The following F9 variants were observed in gnomAD, a reference collection of about 807,000 sequenced individuals.
F9 encodes the protein coagulation factor IX.
A neutral mutation model predicts 34.1 loss-of-function variants in F9; 2 were observed. The ratio of observed to expected loss-of-function variants is 0.06; its 90% CI spans 0.02 to 0.18. F9 has a LOEUF of 0.18. Among genes scored for constraint, F9 ranks in the 10% least tolerant of loss-of-function variants. The pLI is 1.00. For synonymous variants in F9, 137 were observed against 118.8 expected (o/e 1.15, Z -1.00); for missense variants, 216 against 345.1 (o/e 0.63, Z 2.96).
rs959493151 is a variant in F9 at position 139,562,158 on chromosome X, G to T, written c.*87G>T. The T allele has an allele frequency of 6.2e-6, 5 of 812,505 alleles. No individual in the cohort carries two copies. The Admixed American group carries it at 1.2e-4, about 20-fold the overall frequency. The allele number at this position is 812,505 out of a possible 1,213,427, so 67.0% of individuals were successfully genotyped here. A position where few individuals can be genotyped will look rare whatever the true frequency, so the allele number is the denominator to read the frequency against. On this transcript the variant is annotated 3_prime_UTR_variant, in exon 8 of 8. Coordinates refer to ENST00000218099, the MANE Select transcript of F9 (RefSeq NM_000133.4). ...CTAATCACTTTCCCATCTTTTGTTAGATTTGAATATATACATTCTATGATC... is the reference window on the plus strand; with the variant it reads ...CTAATCACTTTCCCATCTTTTGTTATATTTGAATATATACATTCTATGATC...
Position 139,541,188 on chromosome X carries a change from A to G in F9, c.390A>G (p.Leu130=). Residue 130 remains leucine (L), a splice_region_variant and synonymous_variant, in exon 4 of 8, where the codon TTA becomes TTG. Coordinates refer to ENST00000218099, the MANE Select transcript of F9 (RefSeq NM_000133.4). ...PFGFEGKNCE[L]DVTCNIKNGR... ...GATTTGAAGGAAAGAACTGTGAATT[A>G]GGTAAGTAACTATTTTTTGAATACT... 1 of 1,146,829 alleles carries G rather than the reference A, an allele frequency of 8.7e-7. No individual in the cohort carries two copies. The highest frequency in any genetic ancestry group is 1.2e-6 in the Non-Finnish European group (1 of 841,497). 94.5% of individuals were successfully genotyped at this position (1,146,829 alleles called of 1,213,427 possible).
intron 1 of F9, 152 bp from the exon 2 acceptor site, chrX:139,536,858 G>A (rs761503851): frequency 2.0e-6 from 1 of 497,255 alleles, no homozygotes; most frequent in African/African-American, 2.4e-5. Context: ...ATACAGTACT[G>A]TGGGAACATC....
rs1928162339 is a variant in F9, at chrX:139,563,078, C to G, written c.*1007C>G. The G allele has an allele frequency of 9.3e-6, 1 of 107,689 alleles. No individual in the cohort carries two copies. Among genetic ancestry groups the G allele is most frequent in the Non-Finnish European group, 1.9e-5 (1 of 52,298 alleles). The allele number at this position is 107,689 out of a possible 1,213,427, so 8.9% of individuals were successfully genotyped here. ...TTGACCCAGACATATTGTACTCTTTCTAAAAATAATAATAATAATGCTAAC... is the reference window on the plus strand; with the variant it reads ...TTGACCCAGACATATTGTACTCTTTGTAAAAATAATAATAATAATGCTAAC... On this transcript the variant is annotated 3_prime_UTR_variant, in exon 8 of 8. Coordinates refer to ENST00000218099, the MANE Select transcript of F9 (RefSeq NM_000133.4).
At chrX:139,534,176 T>C (rs1185934168) in intron 1 of F9, among the ~76,000 whole-genome samples, 1 of 111,487 alleles carries the variant, frequency 9.0e-6, no homozygotes, top group Non-Finnish European at 1.9e-5. Flanking sequence ...CTAAAGAGAA[T>C]TGAGAAATTT....
intron 6 of F9, among the ~76,000 whole-genome samples, chrX:139,552,945 A>G (rs180938278): frequency 4.4e-4 from 49 of 112,362 alleles, no homozygotes; most frequent in African/African-American, 1.6e-3. Context: ...CTGTGTATCT[A>G]TCCAGGATTC....
At chrX:139,533,091 A>C (rs1319036223) in intron 1 of F9, among the ~76,000 whole-genome samples, 3 of 111,709 alleles carry the variant, frequency 2.7e-5, no homozygotes, top group Non-Finnish European at 5.6e-5. Flanking sequence ...TGCGGGAGAC[A>C]TAAAGGCTAG....
intron 5 of F9, among the ~76,000 whole-genome samples, chrX:139,548,908 T>A (rs951770601): frequency 2.7e-5 from 3 of 112,032 alleles, no homozygotes; most frequent in Non-Finnish European, 5.6e-5. Flanking sequence ...GCTAGTTTAC[T>A]CTGAGAAAGT....
intron 6 of F9, among the ~76,000 whole-genome samples, chrX:139,558,915 C>A (rs1295338606): frequency 8.9e-6 from 1 of 111,959 alleles, no homozygotes. Flanking sequence ...GTCCACAGAC[C>A]ATGCCTGGAC....
At chrX:139,551,993 C>T (rs184789572) in intron 6 of F9, among the ~76,000 whole-genome samples, 35 of 110,645 alleles carry the variant, frequency 3.2e-4, no homozygotes, top group African/African-American at 1.2e-3. Context: ...AGTTTGAGAC[C>T]AGCCTGGGCA....
At chrX:139,547,952 G>A (rs1360959071) in intron 4 of F9, 1 of 121,982 alleles carries the variant, frequency 8.2e-6, no homozygotes, top group East Asian at 2.6e-4. Flanking sequence ...GGCATCTTCT[G>A]GGGTATTGAT....
intron 4 of F9, among the ~76,000 whole-genome samples, chrX:139,542,615 A>T (rs769375278): frequency 8.9e-6 from 1 of 112,245 alleles, no homozygotes; most frequent in African/African-American, 3.2e-5. Context: ...AGTCTCAGTT[A>T]CAACTGAAGG....
At position 139,544,322 on chromosome X, in the gene F9, T is replaced by G. The variant is rs753892445; in HGVS notation, c.391+3133T>G. ...AGTAACAGAAAAAGATCCAGGGATA[T>G]TACCACTGTTAGTGAGGAGAAAGGC... is the stretch of plus-strand genomic sequence containing the variant. On this transcript the variant is annotated intron_variant, in intron 4 of 7. Transcript: ENST00000218099. 9.0e-5 allele frequency among the ~76,000 whole-genome samples: 10 copies of G among 110,707 alleles called. No homozygotes were observed. In the East Asian group the frequency reaches 2.8e-3, roughly 31 times the overall value.
At chrX:139,536,151 A>G (rs951594798) in intron 1 of F9, among the ~76,000 whole-genome samples, 3 of 106,242 alleles carry the variant, frequency 2.8e-5, no homozygotes, top group Non-Finnish European at 5.8e-5. Flanking sequence ...TATATATGAT[A>G]TATATGTGTG....
At chrX:139,532,130 G>A (rs1166939715) in intron 1 of F9, among the ~76,000 whole-genome samples, 7 of 111,694 alleles carry the variant, frequency 6.3e-5, no homozygotes, top group Non-Finnish European at 1.1e-4. Flanking sequence ...GGCTTTTGGA[G>A]CCTGGGAAAT....
Position 139,560,840 on chromosome X carries a change from A to G in F9, c.823A>G (p.Ile275Val). The G allele has an allele frequency of 8.4e-7, 1 of 1,197,199 alleles. No homozygotes were observed. The highest frequency in any genetic ancestry group is 2.3e-4 in the Middle Eastern group (1 of 4,314). Residue 275 changes from isoleucine (I) to valine (V), a missense_variant, in exon 7 of 8, where the codon ATT (isoleucine) becomes GTT (valine). Physicochemically the swap from Ile to Val is conservative, Grantham distance 29 (BLOSUM62 3). Transcript: ENST00000218099. ...AAHCVETGVK[I>V]TVVAGEHNIE... ...CCACTGTGTTGAAACTGGTGTTAAAATTACAGTTGTCGCAGGTAAATACAC... is the reference window on the plus strand; with the variant it reads ...CCACTGTGTTGAAACTGGTGTTAAAGTTACAGTTGTCGCAGGTAAATACAC...
chrX:139,544,400 T>C (rs1368238691), intron 4 of F9, among the ~76,000 whole-genome samples: 1 of 110,660 alleles, frequency 9.0e-6, no homozygotes, highest in Non-Finnish European at 1.9e-5. Flanking sequence ...TCTTTTTGGA[T>C]CATGCCCTTA....
chrX:139,542,821 T>A (rs1386114859), intron 4 of F9, among the ~76,000 whole-genome samples: 2 of 111,470 alleles, frequency 1.8e-5, no homozygotes, highest in African/African-American at 3.3e-5. Flanking sequence ...ACAACTTGGA[T>A]ACTCTCATGT....
chrX:139,554,604 T>C (rs754033141), intron 6 of F9, among the ~76,000 whole-genome samples: 6 of 112,389 alleles, frequency 5.3e-5, no homozygotes, highest in Non-Finnish European at 7.5e-5. Flanking sequence ...CACCATGTCA[T>C]GGTTAATCTG....
chrX:139,558,676 T>G (rs1208255087), intron 6 of F9, among the ~76,000 whole-genome samples: 1 of 112,398 alleles, frequency 8.9e-6, no homozygotes, highest in African/African-American at 3.2e-5. Context: ...CCACAAAGTA[T>G]GTAGCCATTC....
Sources: gnomAD v4.1 joint callset for allele counts (sites outside exome capture counted in the v4.1 genomes callset) on GRCh38, gnomAD v4.1.1 for gene constraint, MANE v1.5 for transcripts, NCBI Gene and HGNC (gene_info 2026-07-23, HGNC 2026-07-21) for gene names.